PTPRT: variants seen among roughly 807,000 people sequenced by gnomAD.
The protein encoded by PTPRT is receptor-type tyrosine-protein phosphatase T.
PTPRT carries 56 observed loss-of-function variants against 176.8 expected under a neutral mutation model. The ratio of observed to expected loss-of-function variants is 0.32; its 90% CI spans 0.26 to 0.40. The LOEUF is 0.40. Among genes scored for constraint, PTPRT ranks in the 10% least tolerant of loss-of-function variants. The pLI is 1.00. For synonymous variants in PTPRT, 783 were observed against 739.0 expected, an observed-to-expected ratio of 1.06 and a Z score of -0.96; for missense variants, 1,540 against 1,908.2, an observed-to-expected ratio of 0.81 and a Z score of 3.60.
At chr20:43,105,327 C>T (rs570697126) in intron 1 of PTPRT, among the ~76,000 whole-genome samples, 1 of 152,014 alleles carries the variant, frequency 6.6e-6, no homozygotes, top group South Asian at 2.1e-4. Context: ...ATCTCTCCCC[C>T]ACTTCCCCAG....
chr20:42,880,818 C>T (rs1184305977), intron 2 of PTPRT, among the ~76,000 whole-genome samples: 2 of 152,188 alleles, frequency 1.3e-5, no homozygotes, highest in African/African-American at 4.8e-5. Flanking sequence ...CTCCCATGGA[C>T]AGAGATGAGG....
chr20:42,466,245 G>T (rs1176397529), intron 8 of PTPRT, among the ~76,000 whole-genome samples: 1 of 152,150 alleles, frequency 6.6e-6, no homozygotes, highest in Admixed American at 6.5e-5. Context: ...ATAATAGAAT[G>T]ATTTATATTC....
At chr20:42,316,670 T>C (rs1052660113) in intron 11 of PTPRT, among the ~76,000 whole-genome samples, 2 of 151,666 alleles carry the variant, frequency 1.3e-5, no homozygotes, top group Non-Finnish European at 2.9e-5. Context: ...ATTTAGAAGG[T>C]CTTCTCATGG....
chr20:42,410,985 C>G (rs763305719), intron 9 of PTPRT, among the ~76,000 whole-genome samples: 3 of 151,958 alleles, frequency 2.0e-5, no homozygotes, highest in Admixed American at 6.5e-5. Flanking sequence ...CAGAAAAGTT[C>G]TCATATCCAT....
At chr20:42,292,134 A>C (rs2057326122) in intron 12 of PTPRT, among the ~76,000 whole-genome samples, 1 of 151,996 alleles carries the variant, frequency 6.6e-6, no homozygotes, top group Admixed American at 6.6e-5. Flanking sequence ...CACCTCACGC[A>C]TACGGATCAG....
chr20:42,864,802 C>T (rs1463856480), intron 2 of PTPRT, among the ~76,000 whole-genome samples: 1 of 152,154 alleles, frequency 6.6e-6, no homozygotes, highest in Non-Finnish European at 1.5e-5. Flanking sequence ...AGGCAATAAC[C>T]TTTCTGTTAT....
chr20:42,312,559 G>A (rs777299596), intron 12 of PTPRT, among the ~76,000 whole-genome samples: 5 of 152,078 alleles, frequency 3.3e-5, no homozygotes, highest in South Asian at 2.1e-4. Flanking sequence ...CCTTCTGAGT[G>A]CCCAGCTCCC....
At chr20:43,100,633 C>G (rs2012359144) in intron 1 of PTPRT, among the ~76,000 whole-genome samples, 1 of 152,156 alleles carries the variant, frequency 6.6e-6, no homozygotes, top group Non-Finnish European at 1.5e-5. Flanking sequence ...CTTTCATTTC[C>G]AGCTCTGTGT....
chr20:42,165,387 G>A (rs1989782680), intron 16 of PTPRT, among the ~76,000 whole-genome samples: 1 of 152,208 alleles, frequency 6.6e-6, no homozygotes, highest in South Asian at 2.1e-4. Flanking sequence ...TTGAAGGAGG[G>A]GAGAAGAAAA....
chr20:42,526,682 G>C lies in PTPRT; in HGVS notation c.1154-54120C>G, dbSNP rs551344549. ...TGATTGTATTATAAGTTTTTGTGTA[G>C]AATCTGTTCTGGTATCTCTAAAATA... On this transcript the variant is annotated intron_variant, in intron 7 of 30. Coordinates refer to ENST00000373187, the MANE Select transcript of PTPRT (RefSeq NM_007050.6). 4.6e-3 allele frequency among the ~76,000 whole-genome samples: 692 copies of C among 151,968 alleles called. 11 individuals carry two copies. Among genetic ancestry groups the C allele is most frequent in the African/African-American group, 0.016 (666 of 41,456 alleles).
At chr20:42,154,588 C>T (rs1017247517) in intron 17 of PTPRT, among the ~76,000 whole-genome samples, 9 of 152,222 alleles carry the variant, frequency 5.9e-5, no homozygotes, top group African/African-American at 2.2e-4. Context: ...ATAACCAGTA[C>T]CTTCTGGTTG....
In PTPRT at chr20:42,613,409, G is replaced by A. The variant is rs528945045; in HGVS notation, c.1153+64457C>T. On this transcript the variant is annotated intron_variant, in intron 7 of 30. Coordinates refer to ENST00000373187, the MANE Select transcript of PTPRT (RefSeq NM_007050.6). ...CCTAGCAAATGCTGAATCACTGGGC[G>A]AATAGCCCGTTAAATCCATACTAGT... 1.6e-4 allele frequency among the ~76,000 whole-genome samples: 25 copies of A among 152,326 alleles called. 1 individual carries two copies. The highest frequency in any genetic ancestry group is 9.2e-4 in the Admixed American group (14 of 15,290).
At chr20:42,935,332 G>T (rs1013735062) in intron 1 of PTPRT, among the ~76,000 whole-genome samples, 2 of 151,712 alleles carry the variant, frequency 1.3e-5, no homozygotes, top group Non-Finnish European at 2.9e-5. Context: ...TAAAGACAAG[G>T]TCTTGCTATG....
intron 9 of PTPRT, among the ~76,000 whole-genome samples, chr20:42,371,598 T>C (rs1416638609): frequency 6.6e-6 from 1 of 151,948 alleles, no homozygotes; most frequent in Non-Finnish European, 1.5e-5. Context: ...AAACAAAGAG[T>C]AGATCCTCAA....
At chr20:42,092,668 C>T (rs945720865) in intron 27 of PTPRT, among the ~76,000 whole-genome samples, 2 of 152,172 alleles carry the variant, frequency 1.3e-5, no homozygotes, top group Non-Finnish European at 2.9e-5. Flanking sequence ...GGGTATTTTG[C>T]ATATTTTGCT....
At chr20:42,169,350 G>C (rs1568638261) in intron 16 of PTPRT, among the ~76,000 whole-genome samples, 2 of 151,470 alleles carry the variant, frequency 1.3e-5, no homozygotes, top group African/African-American at 2.4e-5. Flanking sequence ...TCCTGCTTGT[G>C]GGGGAGAGTA....
intron 1 of PTPRT, among the ~76,000 whole-genome samples, chr20:42,927,472 G>T (rs894823387): frequency 8.5e-5 from 13 of 152,180 alleles, no homozygotes; most frequent in Non-Finnish European, 1.8e-4. Flanking sequence ...TGAGACAAGA[G>T]AATCGCTTCT....
intron 1 of PTPRT, among the ~76,000 whole-genome samples, chr20:42,935,465 G>C (rs1315879239): frequency 2.0e-5 from 3 of 152,006 alleles, no homozygotes; most frequent in African/African-American, 7.2e-5. Context: ...TTAGAAACAA[G>C]TGTCTAGGTC....
the PTPRT span, among the ~76,000 whole-genome samples, chr20:42,039,704 T>TATATATATATATATATATATA: frequency 1.2e-3 from 80 of 65,270 alleles, 2 homozygotes; most frequent in African/African-American, 2.6e-3. Flanking sequence ...ATATATATAG[T>TATATATATATATATATATATA]AATGTATATT....
Sources: allele counts gnomAD v4.1 joint callset (sites outside exome capture counted in the v4.1 genomes callset), GRCh38; gene constraint gnomAD v4.1.1; transcripts MANE v1.5; gene names NCBI Gene and HGNC (gene_info 2026-07-23, HGNC 2026-07-21).